PITRM1: variants seen among roughly 807,000 people sequenced by gnomAD.
The protein encoded by PITRM1 is presequence protease, mitochondrial.
In PITRM1, 100 loss-of-function variants were observed where a neutral mutation model predicts 129.9. The ratio of observed to expected loss-of-function variants is 0.77; its 90% CI spans 0.65 to 0.91. PITRM1 has a LOEUF of 0.91. Among genes scored for constraint, PITRM1 ranks in the 40% least tolerant of loss-of-function variants. PITRM1 has a pLI of 0.00. For missense variants in PITRM1, 1,471 were observed against 1,318.3 expected (o/e 1.12, Z -1.79); for synonymous variants, 591 against 508.8 (o/e 1.16, Z -2.17).
chr10:3,144,270 C>A (rs1409929671), intron 22 of PITRM1, 22 bp downstream of exon 22: 2 of 1,484,028 alleles, frequency 1.3e-6, no homozygotes, highest in East Asian at 2.5e-5. Context: ...CGCTGGCAAC[C>A]CGGATGGGCT....
At chr10:3,144,041 G>C (rs377758839) in intron 22 of PITRM1, 1 of 577,030 alleles carries the variant, frequency 1.7e-6, no homozygotes, top group Non-Finnish European at 3.1e-6. Context: ...CTGGGCACAG[G>C]GAAGACGCAC....
chr10:3,164,593 C>A (rs997557167), intron 6 of PITRM1, among the ~76,000 whole-genome samples: 1 of 152,164 alleles, frequency 6.6e-6, no homozygotes, highest in Non-Finnish European at 1.5e-5. Flanking sequence ...GGCATAAATG[C>A]GTTTTAATGA....
intron 10 of PITRM1, 121 bp downstream of exon 10, chr10:3,158,793 C>G (rs543182332): frequency 1.4e-4 from 131 of 968,234 alleles, no homozygotes; most frequent in Admixed American, 6.8e-4. Context: ...TTATAGCAAT[C>G]AAAAATCCAA....
chr10:3,169,458 G>A (rs1843158112), intron 2 of PITRM1, among the ~76,000 whole-genome samples: 1 of 152,200 alleles, frequency 6.6e-6, no homozygotes, highest in Admixed American at 6.5e-5. Flanking sequence ...GGTCACAGCC[G>A]CAGCAGTCTT....
At chr10:3,152,570 A>T (rs1841611881) in intron 14 of PITRM1, among the ~76,000 whole-genome samples, 1 of 152,200 alleles carries the variant, frequency 6.6e-6, no homozygotes, top group Non-Finnish European at 1.5e-5. Flanking sequence ...TGGAGCCGCA[A>T]CTGCCATCAA....
At chr10:3,147,125 A>G in intron 20 of PITRM1, 25 bp downstream of exon 20, 1 of 1,239,700 alleles carries the variant, frequency 8.1e-7, no homozygotes, top group Non-Finnish European at 1.2e-6. Context: ...ATCATAAAAT[A>G]TTTAGAAACA....
intron 7 of PITRM1, chr10:3,163,426 C>T (rs10903977): frequency 0.21 from 41,942 of 196,048 alleles, 5,403 homozygotes; most frequent in Non-Finnish European, 0.28. Flanking sequence ...CATGCACCCC[C>T]ACTTTCCACG....
At chr10:3,141,607 A>G (rs760388679) in intron 23 of PITRM1, 8 of 463,728 alleles carry the variant, frequency 1.7e-5, no homozygotes, top group African/African-American at 1.6e-4. Flanking sequence ...AGCTGATTCT[A>G]GAACACATCC....
chr10:3,153,331 T>C (rs1440288325), intron 14 of PITRM1, among the ~76,000 whole-genome samples: 1 of 152,190 alleles, frequency 6.6e-6, no homozygotes, highest in Non-Finnish European at 1.5e-5. Context: ...TTATCTTGTG[T>C]AGTCATGAAT....
intron 2 of PITRM1, among the ~76,000 whole-genome samples, chr10:3,167,674 C>A (rs1165733769): frequency 2.0e-5 from 3 of 152,240 alleles, no homozygotes; most frequent in African/African-American, 7.2e-5. Context: ...GCCTCAGTAA[C>A]ACAGCACCCC....
chr10:3,166,478 T>C (rs1351287369), intron 3 of PITRM1, 98 bp from the exon 4 acceptor site: 4 of 561,406 alleles, frequency 7.1e-6, no homozygotes, highest in East Asian at 3.3e-5. Flanking sequence ...GAAATCATCA[T>C]TCTGACACCA....
At position 3,143,215 on chromosome 10, in the gene PITRM1, C is replaced by G. The variant is rs75819355; in HGVS notation, c.2645+174G>C. The G allele has an allele frequency of 6.1e-3, 3,630 of 598,614 alleles. 28 individuals are homozygous for G. The highest frequency in any genetic ancestry group is 0.017 in the Middle Eastern group (63 of 3,816). 37.1% of individuals were successfully genotyped at this position (598,614 alleles called of 1,614,324 possible). A position where few individuals can be genotyped will look rare whatever the true frequency, so the allele number is the denominator to read the frequency against. On this transcript the variant is annotated intron_variant, in intron 23 of 26. Coordinates refer to ENST00000224949, the MANE Select transcript of PITRM1 (RefSeq NM_014889.4). ...CTGGCTCTAAAACTGGGTCTCTGTT[C>G]ACAAAGACTGCTGGTTAAAGAGGAG...
chr10:3,139,783 C>T (rs1457476741), intron 24 of PITRM1, among the ~76,000 whole-genome samples: 1 of 152,266 alleles, frequency 6.6e-6, no homozygotes, highest in Non-Finnish European at 1.5e-5. Context: ...CCGCCTTAGC[C>T]TCCTGTAGCT....
chr10:3,167,643 T>C (rs978258031), intron 2 of PITRM1, among the ~76,000 whole-genome samples: 6 of 152,180 alleles, frequency 3.9e-5, no homozygotes, highest in Non-Finnish European at 5.9e-5. Flanking sequence ...CTGCTGAGTG[T>C]CTCCTGCTTT....
intron 14 of PITRM1, among the ~76,000 whole-genome samples, chr10:3,155,216 G>A (rs1018365446): frequency 6.6e-6 from 1 of 152,084 alleles, no homozygotes; most frequent in South Asian, 2.1e-4. Flanking sequence ...GCACACACCC[G>A]GTATGCCTGA....
At chr10:3,155,485 A>C in intron 14 of PITRM1, 106 bp downstream of exon 14, 1 of 1,395,894 alleles carries the variant, frequency 7.2e-7, no homozygotes, top group Non-Finnish European at 9.9e-7. Flanking sequence ...CCCAGCGGAC[A>C]CCTGTTGGTT....
chr10:3,147,310 G>A (rs1225615375), intron 19 of PITRM1, 60 bp from the exon 20 acceptor site: 3 of 1,258,074 alleles, frequency 2.4e-6, no homozygotes, highest in Non-Finnish European at 3.5e-6. Context: ...CGCTGAGTCT[G>A]AACCAAGCAC....
chr10:3,143,709 C>T, intron 22 of PITRM1: 1 of 707,052 alleles, frequency 1.4e-6, no homozygotes, highest in Non-Finnish European at 2.6e-6. Flanking sequence ...TTCCGTCACT[C>T]CACACAATTT....
chr10:3,137,875 T>C lies in PITRM1; in HGVS notation c.*156A>G. ...TCAATGAACCTCTTCCTGGTCACTC[T>C]TAAGATAGATCTGAGTTTTTGACTC... On this transcript the variant is annotated 3_prime_UTR_variant, in exon 27 of 27. Transcript: ENST00000224949. 1 of 605,016 alleles carries C rather than the reference T, an allele frequency of 1.7e-6. No homozygotes were observed. 37.5% of individuals were successfully genotyped at this position (605,016 alleles called of 1,614,324 possible).
Sources: allele counts gnomAD v4.1 joint callset (sites outside exome capture counted in the v4.1 genomes callset), GRCh38; gene constraint gnomAD v4.1.1; transcripts MANE v1.5; gene names NCBI Gene and HGNC (gene_info 2026-07-23, HGNC 2026-07-21).